The following NTRK3 variants were observed in gnomAD, a reference collection of about 807,000 sequenced individuals.
The protein encoded by NTRK3 is neurotrophic receptor tyrosine kinase 3, also known as NT-3 growth factor receptor.
Under a neutral mutation model 91.7 loss-of-function variants are expected in NTRK3, and 24 were observed. The observed-to-expected ratio is 0.26, with a 90% confidence interval of 0.19 to 0.37. The LOEUF is 0.37. Among genes scored for constraint, NTRK3 ranks in the 10% least tolerant of loss-of-function variants. NTRK3 has a pLI of 1.00. For missense variants in NTRK3, 880 were observed against 1,068.9 expected (o/e 0.82, Z 2.46); for synonymous variants, 483 against 404.0 (o/e 1.20, Z -2.34).
In NTRK3 at chr15:87,979,235, T is replaced by C. The variant is rs550735540; in HGVS notation, c.1586-38482A>G. ...CCGGGGCACTGGTGGCTCATGCAGTTTCTACTTAGCATCCCTGGATCCAAA... is the reference window on the plus strand; with the variant it reads ...CCGGGGCACTGGTGGCTCATGCAGTCTCTACTTAGCATCCCTGGATCCAAA... On this transcript the variant is annotated intron_variant, in intron 14 of 18. Transcript: ENST00000394480. The C allele has an allele frequency of 1.3e-5, 11 of 866,200 alleles. No homozygotes were observed. The African/African-American group carries it at 1.5e-4, about 12-fold the overall frequency. The allele number at this position is 866,200 out of a possible 1,614,324, so 53.7% of individuals were successfully genotyped here. A position where few individuals can be genotyped will look rare whatever the true frequency, so the allele number is the denominator to read the frequency against.
intron 5 of NTRK3, among the ~76,000 whole-genome samples, chr15:88,168,370 T>TGGGAA (rs1411157928): frequency 6.7e-6 from 1 of 149,800 alleles, no homozygotes; most frequent in Non-Finnish European, 1.5e-5. Context: ...TGGAGATGGG[T>TGGGAA]GGGAAGGGAA....
intron 17 of NTRK3, among the ~76,000 whole-genome samples, chr15:87,905,269 T>A (rs1299880645): frequency 1.3e-5 from 2 of 152,144 alleles, no homozygotes; most frequent in African/African-American, 4.8e-5. Flanking sequence ...AAGGAAAGTA[T>A]AGCATCACAG....
In NTRK3 at chr15:88,234,671, A is replaced by G. The variant is rs1042108798; in HGVS notation, c.248+21235T>C. ...GCACCCCCTCACAGAAATCTGTACA[A>G]CCTTGTGCTTCTTTCTCCAACACAT... On this transcript the variant is annotated intron_variant, in intron 3 of 18. Transcript: ENST00000394480. The surrounding 1 kb of genome is among the most constrained non-coding windows in gnomAD (Gnocchi z 6.1). 6.6e-6 allele frequency among the ~76,000 whole-genome samples: 1 copy of G among 152,070 alleles called. No individual in the cohort carries two copies. Among genetic ancestry groups the G allele is most frequent in the Non-Finnish European group, 1.5e-5 (1 of 67,982 alleles).
At chr15:88,023,727 C>T (rs1422499872) in intron 14 of NTRK3, among the ~76,000 whole-genome samples, 1 of 152,206 alleles carries the variant, frequency 6.6e-6, no homozygotes, top group Non-Finnish European at 1.5e-5. Context: ...GGTATGCCAA[C>T]CTACCCTCTT....
At chr15:88,057,317 C>T (rs949139298) in intron 13 of NTRK3, among the ~76,000 whole-genome samples, 12 of 149,858 alleles carry the variant, frequency 8.0e-5, no homozygotes, top group African/African-American at 2.5e-4. Context: ...GCCAACATGG[C>T]GAAACCCCGT....
intron 13 of NTRK3, among the ~76,000 whole-genome samples, chr15:88,112,783 C>A (rs2051560048): frequency 1.3e-5 from 2 of 152,182 alleles, no homozygotes; most frequent in African/African-American, 4.8e-5. Flanking sequence ...ATAGCAACAG[C>A]ACTCTCCCCC....
At chr15:87,959,195 G>A (rs745470179) in intron 14 of NTRK3, among the ~76,000 whole-genome samples, 4 of 152,090 alleles carry the variant, frequency 2.6e-5, no homozygotes, top group South Asian at 2.1e-4. Flanking sequence ...TGCCGCCGTC[G>A]GATAATTATC....
chr15:87,908,925 C>T (rs528269427), intron 17 of NTRK3, among the ~76,000 whole-genome samples: 51 of 152,164 alleles, frequency 3.4e-4, no homozygotes, highest in African/African-American at 9.4e-4. Flanking sequence ...GGTTCTACTC[C>T]CAGCAGGAGC....
chr15:88,024,857 C>T (rs2077894638), intron 14 of NTRK3, among the ~76,000 whole-genome samples: 1 of 152,208 alleles, frequency 6.6e-6, no homozygotes, highest in Admixed American at 6.5e-5. Context: ...GGCATGGACA[C>T]ATTGGTTGGT....
rs1335887821 is a variant in NTRK3 at position 87,886,697 on chromosome 15, T to TATATATATATATAC, written c.2134-6270_2134-6269insGTATATATATATAT. Among the ~76,000 whole-genome samples the TATATATATATATAC allele has an allele frequency of 9.1e-3, 1,230 of 135,728 alleles. 10 individuals are homozygous for TATATATATATATAC. The highest frequency in any genetic ancestry group is 0.045 in the South Asian group (195 of 4,354). The allele number at this position is 135,728 out of a possible 152,430, so 89.0% of individuals were successfully genotyped here. A position where few individuals can be genotyped will look rare whatever the true frequency, so the allele number is the denominator to read the frequency against. On this transcript the variant is annotated intron_variant, in intron 17 of 18. Coordinates refer to ENST00000394480, the Ensembl canonical transcript of NTRK3. ...TTTGCTATATATATATATATATATATATACATATATACACACACACACATA... is the reference window on the plus strand; with the variant it reads ...TTTGCTATATATATATATATATATATATATATATATATACATACATATATACACACACACACATA...
chr15:88,047,444 C>T (rs2080327376), intron 13 of NTRK3, among the ~76,000 whole-genome samples: 1 of 152,042 alleles, frequency 6.6e-6, no homozygotes. Context: ...AAAAAAAGTC[C>T]AGAGATCTCA....
At chr15:88,079,251 C>T (rs372667034) in intron 13 of NTRK3, among the ~76,000 whole-genome samples, 25 of 152,296 alleles carry the variant, frequency 1.6e-4, no homozygotes, top group African/African-American at 6.0e-4. Flanking sequence ...GTAAGAGAGT[C>T]ATCAAAGACG....
At chr15:88,037,562 AAAAG>A (rs909549567) in intron 13 of NTRK3, among the ~76,000 whole-genome samples, 8 of 151,380 alleles carry the variant, frequency 5.3e-5, no homozygotes, top group African/African-American at 9.8e-5. Context: ...ACTCCCTCTC[AAAAG>A]AAAGAAAGAA....
At chr15:88,200,913 A>G (rs956193085) in intron 3 of NTRK3, among the ~76,000 whole-genome samples, 11 of 152,120 alleles carry the variant, frequency 7.2e-5, no homozygotes, top group Admixed American at 4.6e-4. Flanking sequence ...CTCTGCCCAA[A>G]TCCCAGCTGC....
intron 13 of NTRK3, among the ~76,000 whole-genome samples, chr15:88,065,702 G>A (rs557903465): frequency 6.6e-5 from 10 of 152,272 alleles, no homozygotes; most frequent in South Asian, 2.1e-4. Flanking sequence ...AACTGTTTCC[G>A]TCTTATTTAT....
intron 5 of NTRK3, among the ~76,000 whole-genome samples, chr15:88,180,542 C>A (rs1346674953): frequency 1.3e-5 from 2 of 152,146 alleles, no homozygotes; most frequent in Non-Finnish European, 2.9e-5. Context: ...ATTAACGCAA[C>A]AGTAGCTTAG....
intron 17 of NTRK3, among the ~76,000 whole-genome samples, chr15:87,886,322 A>G (rs1336859878): frequency 1.3e-5 from 2 of 152,038 alleles, no homozygotes; most frequent in Admixed American, 6.6e-5. Context: ...TCTTAGAAAG[A>G]TAATTCACTC....
chr15:88,247,967 C>A (rs77389975), intron 3 of NTRK3, among the ~76,000 whole-genome samples: 27 of 152,320 alleles, frequency 1.8e-4, no homozygotes, highest in African/African-American at 4.8e-4. Context: ...TAGACACCCC[C>A]CTTTTGCTCT....
At chr15:88,047,076 G>A (rs2080282148) in intron 13 of NTRK3, among the ~76,000 whole-genome samples, 1 of 152,142 alleles carries the variant, frequency 6.6e-6, no homozygotes, top group Admixed American at 6.5e-5. Context: ...AGCCCCTTCA[G>A]TCACACAGGG....
Sources: allele counts gnomAD v4.1 joint callset (sites outside exome capture counted in the v4.1 genomes callset), GRCh38; gene constraint gnomAD v4.1.1; non-coding constraint Gnocchi (gnomAD v3.1); transcripts MANE v1.5; gene names NCBI Gene and HGNC (gene_info 2026-07-23, HGNC 2026-07-21).